Variants in MFHAS1 observed in about 807,000 individuals in gnomAD.
MFHAS1 encodes the protein malignant fibrous histiocytoma-amplified sequence 1.
A neutral mutation model predicts 70.4 loss-of-function variants in MFHAS1; 50 were observed. The observed-to-expected ratio is 0.71, with a 90% CI of 0.57 to 0.90. MFHAS1 has a LOEUF of 0.90. Among genes scored for constraint, MFHAS1 ranks in the 40% least tolerant of loss-of-function variants. The probability of loss-of-function intolerance (pLI) is 0.00; values close to 1 mark genes in which losing one functional copy is unlikely to be tolerated. For synonymous variants in MFHAS1, 952 were observed against 620.0 expected, an observed-to-expected ratio of 1.54 and a Z score of -7.96; for missense variants, 1,795 against 1,347.6, an observed-to-expected ratio of 1.33 and a Z score of -5.20.
At chr8:8,851,054 A>G (rs900775641) in intron 1 of MFHAS1, among the ~76,000 whole-genome samples, 8 of 152,210 alleles carry the variant, frequency 5.3e-5, no homozygotes, top group Non-Finnish European at 8.8e-5. Context: ...CAAAAGTCTT[A>G]CATAGGGTCA....
chr8:8,836,441 T>C (rs184783159), intron 1 of MFHAS1, among the ~76,000 whole-genome samples: 1 of 152,290 alleles, frequency 6.6e-6, no homozygotes, highest in East Asian at 1.9e-4. Context: ...TGCAGTGGCA[T>C]GATCGGAACT....
intron 1 of MFHAS1, among the ~76,000 whole-genome samples, chr8:8,851,624 T>C (rs757108888): frequency 2.0e-5 from 3 of 152,238 alleles, no homozygotes; most frequent in Non-Finnish European, 4.4e-5. Context: ...TCTTATCTAC[T>C]GTTGCAAAAC....
chr8:8,851,250 AG>A (rs147008739), intron 1 of MFHAS1, among the ~76,000 whole-genome samples: 64 of 148,924 alleles, frequency 4.3e-4, no homozygotes, highest in Non-Finnish European at 9.1e-4. Flanking sequence ...TCTTATAAAT[AG>A]AAACTATATT....
At chr8:8,827,703 C>G (rs60235815) in intron 1 of MFHAS1, among the ~76,000 whole-genome samples, 1 of 152,138 alleles carries the variant, frequency 6.6e-6, no homozygotes, top group East Asian at 1.9e-4. Context: ...TTTTGCCCAA[C>G]AGAACTTTAA....
chr8:8,787,166 C>T (rs1448070345), intron 2 of MFHAS1, among the ~76,000 whole-genome samples: 3 of 151,826 alleles, frequency 2.0e-5, no homozygotes, highest in Non-Finnish European at 4.4e-5. Context: ...CTGCAAGCTC[C>T]GCCTCCTGGG....
chr8:8,843,691 G>C (rs1033628853), intron 1 of MFHAS1, among the ~76,000 whole-genome samples: 4 of 152,196 alleles, frequency 2.6e-5, no homozygotes, highest in Non-Finnish European at 5.9e-5. Context: ...CGGTGTGGAA[G>C]AAGCAGGTCA....
chr8:8,891,888 A>G lies in MFHAS1; in HGVS notation c.1171T>C (p.Tyr391His). The G allele has an allele frequency of 1.9e-6, 3 of 1,611,352 alleles. No homozygotes were observed. Among genetic ancestry groups the G allele is most frequent in the Non-Finnish European group, 2.5e-6 (3 of 1,178,738 alleles). Residue 391 changes from tyrosine to histidine, a missense_variant, in exon 1 of 3, where the codon TAC becomes CAC. Tyr to His is a moderately conservative substitution (Grantham distance 83, BLOSUM62 2). Transcript: ENST00000276282. The surrounding 1 kb of genome is among the most constrained non-coding windows in gnomAD (Gnocchi z 5.4). Reference protein sequence around the residue: ...PYEVCMKGIPYIAAYQKELAH... With the variant: ...PYEVCMKGIPHIAAYQKELAH... ...AGTTCCTTCTGGTAGGCTGCGATGT[A>G]GGGGATCCCCTTCATGCAGACCTCG...
At chr8:8,823,456 G>A (rs1328002150) in intron 1 of MFHAS1, among the ~76,000 whole-genome samples, 1 of 152,146 alleles carries the variant, frequency 6.6e-6, no homozygotes, top group Non-Finnish European at 1.5e-5. Flanking sequence ...GAGTCCTCTG[G>A]GCCTCGTCCC....
At chr8:8,837,324 A>G (rs1301338095) in intron 1 of MFHAS1, among the ~76,000 whole-genome samples, 9 of 152,196 alleles carry the variant, frequency 5.9e-5, no homozygotes, top group African/African-American at 1.4e-4. Flanking sequence ...ACATTTCTCC[A>G]AAGAAGAACA....
intron 1 of MFHAS1, among the ~76,000 whole-genome samples, chr8:8,874,395 G>A (rs1809210395): frequency 6.6e-6 from 1 of 150,980 alleles, no homozygotes; most frequent in African/African-American, 2.4e-5. Flanking sequence ...CTATAACAGG[G>A]TTCTAACTGT....
At chr8:8,828,962 T>C (rs1233093355) in intron 1 of MFHAS1, among the ~76,000 whole-genome samples, 2 of 152,170 alleles carry the variant, frequency 1.3e-5, no homozygotes, top group Non-Finnish European at 2.9e-5. Context: ...TGCCTCCCTC[T>C]TCCGGCCCGT....
chr8:8,802,735 G>C (rs1165218287), intron 1 of MFHAS1, among the ~76,000 whole-genome samples: 3 of 152,170 alleles, frequency 2.0e-5, no homozygotes, highest in African/African-American at 7.2e-5. Context: ...CTGTCCTCTG[G>C]GTGCCAACAA....
intron 1 of MFHAS1, among the ~76,000 whole-genome samples, chr8:8,832,062 G>GCACACA (rs59984727): frequency 3.3e-4 from 49 of 149,588 alleles, no homozygotes; most frequent in African/African-American, 1.2e-3. Context: ...GCGCGCGCGC[G>GCACACA]CACACACACA....
In MFHAS1 at chr8:8,826,785, A is replaced by G. The variant is rs147200783; in HGVS notation, c.2999-29294T>C. Among the ~76,000 whole-genome samples the G allele has an allele frequency of 2.5e-3, 377 of 152,186 alleles. 2 individuals are homozygous for G. The highest frequency in any genetic ancestry group is 8.7e-3 in the African/African-American group (363 of 41,532). Reference sequence around the variant, plus strand: ...AAATATTTTGGGTTTTCCGATTCCAACTTCTTACCTTCCTCCTTACATCTT... The same window carrying G: ...AAATATTTTGGGTTTTCCGATTCCAGCTTCTTACCTTCCTCCTTACATCTT... On this transcript the variant is annotated intron_variant, in intron 1 of 2. Transcript: ENST00000276282.
chr8:8,812,910 G>A (rs563316733), intron 1 of MFHAS1, among the ~76,000 whole-genome samples: 4 of 152,140 alleles, frequency 2.6e-5, no homozygotes, highest in Admixed American at 2.0e-4. Context: ...GGGGTTACAG[G>A]CGTGCACCAC....
rs568927604 is a variant in MFHAS1 at position 8,793,745 on chromosome 8, G to A, written c.3125+3620C>T. ...CAGTCCTAAGGCCCCACTGGCCAGG[G>A]AACCCACCCTTAGAGGCATGGACTG... On this transcript the variant is annotated intron_variant, in intron 2 of 2. Transcript: ENST00000276282. Among the ~76,000 whole-genome samples the A allele has an allele frequency of 1.8e-3, 267 of 152,332 alleles. 1 individual carries two copies. Among genetic ancestry groups the A allele is most frequent in the African/African-American group, 5.9e-3 (246 of 41,574 alleles).
chr8:8,891,759 C>T lies in MFHAS1; in HGVS notation c.1300G>A (p.Val434Met). 6.2e-7 allele frequency: 1 copy of T among 1,613,434 alleles called. No homozygotes were observed. Among genetic ancestry groups the T allele is most frequent in the South Asian group, 1.1e-5 (1 of 91,084 alleles). Residue 434 changes from valine (V) to methionine (M), a missense_variant, in exon 1 of 3, where the codon GTG becomes ATG. By Grantham distance (21) the Val-to-Met change is conservative (BLOSUM62 1). Transcript: ENST00000276282. The surrounding 1 kb of genome is among the most constrained non-coding windows in gnomAD (Gnocchi z 5.4). ...LLRHCLTEER[V>M]EGCPGGGDKE... Reference sequence around the variant, plus strand: ...TCCCCTCCTCCTGGGCATCCCTCCACTCTCTCCTCGGTGAGGCAGTGGCGC... The same window carrying T: ...TCCCCTCCTCCTGGGCATCCCTCCATTCTCTCCTCGGTGAGGCAGTGGCGC...
chr8:8,827,438 A>C (rs1807204219), intron 1 of MFHAS1, among the ~76,000 whole-genome samples: 1 of 152,210 alleles, frequency 6.6e-6, no homozygotes, highest in Non-Finnish European at 1.5e-5. Flanking sequence ...GTATTATCAG[A>C]CTTAGCCACA....
chr8:8,815,922 C>G (rs760697306), intron 1 of MFHAS1, among the ~76,000 whole-genome samples: 3 of 152,108 alleles, frequency 2.0e-5, no homozygotes, highest in Admixed American at 2.0e-4. Flanking sequence ...GTTAAAAGGT[C>G]GGCACATAAA....
Sources: gnomAD v4.1 joint callset for allele counts (sites outside exome capture counted in the v4.1 genomes callset) on GRCh38, gnomAD v4.1.1 for gene constraint, Gnocchi (gnomAD v3.1) non-coding constraint, MANE v1.5 for transcripts, NCBI Gene and HGNC (gene_info 2026-07-23, HGNC 2026-07-21) for gene names.